Variants in SORCS1 observed in about 807,000 individuals in gnomAD.
SORCS1 encodes sortilin related VPS10 domain containing receptor 1, also known as VPS10 domain-containing receptor SorCS1.
SORCS1 carries 60 observed loss-of-function variants against 146.1 expected under a neutral mutation model. That is an observed-to-expected ratio of 0.41 (90% confidence interval 0.33 to 0.51). The LOEUF (loss-of-function observed/expected upper bound fraction) is 0.51. Ranked by LOEUF, SORCS1 falls within the 20% of genes least tolerant of loss-of-function variation. The pLI is 0.21. For missense variants in SORCS1, 1,352 were observed against 1,487.6 expected (o/e 0.91, Z 1.50); for synonymous variants, 637 against 584.0 (o/e 1.09, Z -1.31).
intron 20 of SORCS1, 112 bp from the exon 21 acceptor site, chr10:106,618,384 T>G (rs1847519147): frequency 7.4e-7 from 1 of 1,342,934 alleles, no homozygotes; most frequent in Middle Eastern, 1.9e-4. Flanking sequence ...CTCTTCCTGA[T>G]GTACCACAAT....
In SORCS1 at chr10:106,866,855, T is replaced by C. The variant is rs568252933; in HGVS notation, c.627-37182A>G. Among the ~76,000 whole-genome samples, 9 of 152,110 alleles carry C rather than the reference T, an allele frequency of 5.9e-5. No homozygotes were observed. The South Asian group carries it at 1.9e-3, about 32-fold the overall frequency. On this transcript the variant is annotated intron_variant, in intron 2 of 25. Coordinates refer to ENST00000263054, the MANE Select transcript of SORCS1 (RefSeq NM_052918.5). ...TAGAAAAGACATCTATTGACTGTAC[T>C]TAATCTACACTGCACTTAAAGGAAC...
At chr10:106,670,771 G>A (rs980384973) in intron 16 of SORCS1, among the ~76,000 whole-genome samples, 2 of 147,478 alleles carry the variant, frequency 1.4e-5, no homozygotes, top group African/African-American at 5.1e-5. Context: ...GTGGCTCATT[G>A]CAATCTCTAC....
intron 23 of SORCS1, among the ~76,000 whole-genome samples, chr10:106,601,470 C>A (rs1232711899): frequency 1.3e-5 from 2 of 152,154 alleles, no homozygotes; most frequent in Non-Finnish European, 2.9e-5. Flanking sequence ...TTTAAAGTCC[C>A]ACTTAAAAGG....
chr10:106,899,808 C>A (rs1951632967), intron 2 of SORCS1, among the ~76,000 whole-genome samples: 1 of 152,060 alleles, frequency 6.6e-6, no homozygotes. Flanking sequence ...TCTTTAGATT[C>A]AACAATTACC....
At chr10:106,701,890 G>A (rs1854165093) in intron 8 of SORCS1, among the ~76,000 whole-genome samples, 1 of 152,176 alleles carries the variant, frequency 6.6e-6, no homozygotes, top group Non-Finnish European at 1.5e-5. Flanking sequence ...TCCTAATAGT[G>A]CCTGGCACTT....
intron 1 of SORCS1, among the ~76,000 whole-genome samples, chr10:107,008,751 A>C (rs1957558782): frequency 6.6e-6 from 1 of 152,174 alleles, no homozygotes; most frequent in Non-Finnish European, 1.5e-5. Context: ...TAATCCTAGC[A>C]CTTTGGGAGG....
intron 1 of SORCS1, among the ~76,000 whole-genome samples, chr10:107,136,716 G>A (rs1967331114): frequency 6.6e-6 from 1 of 152,130 alleles, no homozygotes; most frequent in Non-Finnish European, 1.5e-5. Flanking sequence ...GAGGCACAGG[G>A]AGGTGAAACA....
chr10:106,926,828 TACACACACACACACAC>T (rs869163147), intron 2 of SORCS1, among the ~76,000 whole-genome samples: 59 of 29,636 alleles, frequency 2.0e-3, no homozygotes, highest in Non-Finnish European at 8.5e-3. Context: ...GGAATATATA[TACACACACACACACAC>T]ACACACACAC....
chr10:106,904,461 T>A (rs550224027), intron 2 of SORCS1, among the ~76,000 whole-genome samples: 126 of 152,200 alleles, frequency 8.3e-4, no homozygotes, highest in African/African-American at 3.0e-3. Context: ...ACCATGGGCA[T>A]CTACTGATGG....
At chr10:107,088,423 A>ACGTC (rs913870166) in intron 1 of SORCS1, among the ~76,000 whole-genome samples, 1 of 151,914 alleles carries the variant, frequency 6.6e-6, no homozygotes, top group African/African-American at 2.4e-5. Context: ...CCTGGGGGGG[A>ACGTC]CGGTGGGATT....
At chr10:106,990,120 T>G (rs1354351625) in intron 1 of SORCS1, among the ~76,000 whole-genome samples, 1 of 152,164 alleles carries the variant, frequency 6.6e-6, no homozygotes, top group Non-Finnish European at 1.5e-5. Flanking sequence ...AGTATAGGGC[T>G]TTCCTTTTTA....
chr10:106,734,974 C>T (rs975520685), intron 5 of SORCS1, among the ~76,000 whole-genome samples: 5 of 151,892 alleles, frequency 3.3e-5, no homozygotes, highest in Non-Finnish European at 5.9e-5. Context: ...GGCAAAACCC[C>T]GTCTCTACTA....
chr10:106,698,190 T>C (rs891752715), intron 9 of SORCS1, among the ~76,000 whole-genome samples: 5 of 152,198 alleles, frequency 3.3e-5, no homozygotes, highest in African/African-American at 1.2e-4. Context: ...AGAAGGAAGA[T>C]AGAACACATC....
intron 23 of SORCS1, among the ~76,000 whole-genome samples, chr10:106,599,158 G>A (rs1411778025): frequency 6.6e-6 from 1 of 152,090 alleles, no homozygotes; most frequent in Non-Finnish European, 1.5e-5. Flanking sequence ...TTCAGTTCAG[G>A]AGTTCGAGAC....
intron 1 of SORCS1, among the ~76,000 whole-genome samples, chr10:107,037,291 C>T (rs1958945012): frequency 1.3e-5 from 2 of 152,036 alleles, no homozygotes; most frequent in South Asian, 4.1e-4. Context: ...AGTCAGTCTA[C>T]CAAAAAGCTC....
intron 1 of SORCS1, among the ~76,000 whole-genome samples, chr10:107,124,885 G>A (rs1966614177): frequency 6.6e-6 from 1 of 151,666 alleles, no homozygotes; most frequent in East Asian, 1.9e-4. Context: ...AAATGCAATT[G>A]TGGAAAGCTG....
rs1223474970 is a variant in SORCS1, at chr10:106,790,951, G to A, written c.727-14259C>T. Among the ~76,000 whole-genome samples the A allele has an allele frequency of 2.0e-5, 3 of 152,252 alleles. No homozygotes were observed. The East Asian group carries it at 5.8e-4, about 29-fold the overall frequency. The stretch of plus-strand genomic sequence containing the variant: ...ATTTTTGAAAAATGTCCCCAAAAAC[G>A]TACTCAGAATAAAAGAACAATCACT... On this transcript the variant is annotated intron_variant, in intron 3 of 25. Transcript: ENST00000263054.
chr10:106,864,832 T>C (rs1227496099), intron 2 of SORCS1, among the ~76,000 whole-genome samples: 1 of 151,992 alleles, frequency 6.6e-6, no homozygotes, highest in Non-Finnish European at 1.5e-5. Flanking sequence ...CTGAAGTGGA[T>C]CTCCAGAACA....
intron 1 of SORCS1, among the ~76,000 whole-genome samples, chr10:107,149,111 G>A (rs1446367632): frequency 6.6e-6 from 1 of 152,176 alleles, no homozygotes; most frequent in Non-Finnish European, 1.5e-5. Flanking sequence ...CTACTCACTG[G>A]CTGGTAAGCC....
Sources: gnomAD v4.1 joint callset for allele counts (sites outside exome capture counted in the v4.1 genomes callset) on GRCh38, gnomAD v4.1.1 for gene constraint, MANE v1.5 for transcripts, NCBI Gene and HGNC (gene_info 2026-07-23, HGNC 2026-07-21) for gene names.